DAB1: variants seen among roughly 807,000 people sequenced by gnomAD.
The protein encoded by DAB1 is disabled homolog 1.
Under a neutral mutation model 64.6 loss-of-function variants are expected in DAB1, and 15 were observed. That is an observed-to-expected ratio of 0.23 (90% CI 0.16 to 0.36). The LOEUF is 0.36. Among genes scored for constraint, DAB1 ranks in the 10% least tolerant of loss-of-function variants. The pLI, the probability that DAB1 is intolerant of heterozygous loss-of-function variation, is 1.00. For missense variants in DAB1, 596 were observed against 706.7 expected (o/e 0.84, Z 1.78); for synonymous variants, 235 against 251.9 (o/e 0.93, Z 0.64).
chr1:58,046,938 C>T (rs1647281542), intron 5 of DAB1, among the ~76,000 whole-genome samples: 1 of 152,174 alleles, frequency 6.6e-6, no homozygotes, highest in Admixed American at 6.5e-5. Context: ...AAAGCCCAGC[C>T]GTGCCACTTA....
intron 7 of DAB1, among the ~76,000 whole-genome samples, chr1:57,644,879 G>C (rs74077743): frequency 0.021 from 3,256 of 152,216 alleles, 118 homozygotes; most frequent in African/African-American, 0.075. Context: ...GGAAGCATGA[G>C]CTGAAATCCC....
chr1:58,339,138 G>A (rs1663192576), intron 4 of DAB1, among the ~76,000 whole-genome samples: 1 of 151,994 alleles, frequency 6.6e-6, no homozygotes, highest in Non-Finnish European at 1.5e-5. Flanking sequence ...CTTTTAAATG[G>A]TGAATTTTAT....
chr1:58,238,879 G>T (rs1660165923), intron 4 of DAB1, among the ~76,000 whole-genome samples: 1 of 152,130 alleles, frequency 6.6e-6, no homozygotes, highest in South Asian at 2.1e-4. Context: ...AAACTCTGGG[G>T]ACACTAAACA....
chr1:57,897,427 A>G (rs1644407541), intron 5 of DAB1, among the ~76,000 whole-genome samples: 1 of 152,132 alleles, frequency 6.6e-6, no homozygotes, highest in Non-Finnish European at 1.5e-5. Context: ...AAAATCCCAT[A>G]TTGATTTTTC....
At chr1:57,262,379 A>G (rs1248437378) in intron 2 of DAB1, among the ~76,000 whole-genome samples, 2 of 152,230 alleles carry the variant, frequency 1.3e-5, no homozygotes, top group East Asian at 3.9e-4. Flanking sequence ...GCTCTTAGCC[A>G]CATTGGGTGC....
intron 9 of DAB1, among the ~76,000 whole-genome samples, chr1:57,053,095 A>C (rs542688452): frequency 1.3e-5 from 2 of 152,350 alleles, no homozygotes; most frequent in African/African-American, 4.8e-5. Flanking sequence ...AGATGTCAGT[A>C]GCGGATGGCC....
chr1:57,519,090 C>G (rs1302897276), intron 7 of DAB1, among the ~76,000 whole-genome samples: 1 of 152,126 alleles, frequency 6.6e-6, no homozygotes, highest in Non-Finnish European at 1.5e-5. Context: ...GAAGTTCTTA[C>G]AATAGTCCCT....
intron 1 of DAB1, among the ~76,000 whole-genome samples, chr1:57,877,716 G>A (rs1423483316): frequency 2.4e-5 from 2 of 82,040 alleles, no homozygotes; most frequent in African/African-American, 5.3e-5. Flanking sequence ...GCCCACCACC[G>A]CGCCCGGCTA....
At chr1:57,299,543 T>C (rs1570207881) in intron 1 of DAB1, among the ~76,000 whole-genome samples, 1 of 151,112 alleles carries the variant, frequency 6.6e-6, no homozygotes, top group African/African-American at 2.5e-5. Context: ...AACTAATGGA[T>C]CACATAGTTT....
intron 7 of DAB1, among the ~76,000 whole-genome samples, chr1:57,544,480 C>T (rs969013943): frequency 6.6e-5 from 10 of 152,204 alleles, no homozygotes; most frequent in Non-Finnish European, 1.5e-4. Flanking sequence ...CTGATACATA[C>T]TTTGTCCTTC....
intron 2 of DAB1, among the ~76,000 whole-genome samples, chr1:57,272,806 T>A (rs1376555985): frequency 1.3e-5 from 2 of 152,118 alleles, no homozygotes; most frequent in African/African-American, 4.8e-5. Flanking sequence ...AATACAACTT[T>A]CAGCCTTCCT....
At chr1:58,285,522 C>T (rs983723496) in intron 4 of DAB1, among the ~76,000 whole-genome samples, 7 of 152,184 alleles carry the variant, frequency 4.6e-5, no homozygotes, top group Middle Eastern at 3.4e-3. Context: ...TGTATATCAA[C>T]AACAGGCAAG....
intron 4 of DAB1, among the ~76,000 whole-genome samples, chr1:58,250,335 G>A (rs1388838520): frequency 6.6e-6 from 1 of 152,234 alleles, no homozygotes; most frequent in Admixed American, 6.5e-5. Context: ...GTTCCCTGGG[G>A]CTGGCAGGTC....
chr1:57,312,154 G>A (rs1442793831), intron 1 of DAB1, among the ~76,000 whole-genome samples: 1 of 152,118 alleles, frequency 6.6e-6, no homozygotes, highest in Non-Finnish European at 1.5e-5. Flanking sequence ...CCCACAACAC[G>A]ACCCCAGCCC....
At chr1:58,337,659 G>GTAGTAC (rs1663151609) in intron 4 of DAB1, among the ~76,000 whole-genome samples, 1 of 152,104 alleles carries the variant, frequency 6.6e-6, no homozygotes, top group Non-Finnish European at 1.5e-5. Context: ...GAATAAACAG[G>GTAGTAC]TAGTACCTTA....
intron 5 of DAB1, among the ~76,000 whole-genome samples, chr1:58,112,709 C>T (rs539408791): frequency 6.6e-6 from 1 of 152,144 alleles, no homozygotes; most frequent in Admixed American, 6.6e-5. Context: ...ATACATGTTT[C>T]CTAAATGAAT....
In DAB1 at chr1:57,100,206, T is replaced by C. The variant is rs144172616; in HGVS notation, c.307-27792A>G. ...AAGATAAAAATAGAATCTACTTCAT[T>C]AGGTTATTATGAAGATGAAGTGAGC... On this transcript the variant is annotated intron_variant, in intron 4 of 14. Coordinates refer to ENST00000371236, the MANE Select transcript of DAB1 (RefSeq NM_001365792.1). Among the ~76,000 whole-genome samples, 296 of 152,292 alleles carry C rather than the reference T, an allele frequency of 1.9e-3. 2 individuals are homozygous for C. The highest frequency in any genetic ancestry group is 6.6e-3 in the African/African-American group (275 of 41,572).
At chr1:58,284,712 T>C (rs1429989220) in intron 4 of DAB1, among the ~76,000 whole-genome samples, 3 of 152,214 alleles carry the variant, frequency 2.0e-5, no homozygotes, top group Non-Finnish European at 4.4e-5. Context: ...CTCTTTATTA[T>C]CTCTAATTTT....
chr1:57,173,442 T>C (rs565274809), intron 2 of DAB1, among the ~76,000 whole-genome samples: 1 of 152,324 alleles, frequency 6.6e-6, no homozygotes, highest in East Asian at 1.9e-4. Context: ...TCAGGCTATG[T>C]GTGTAAGTTA....
Sources: gnomAD v4.1 joint callset for allele counts (sites outside exome capture counted in the v4.1 genomes callset) on GRCh38, gnomAD v4.1.1 for gene constraint, MANE v1.5 for transcripts, NCBI Gene and HGNC (gene_info 2026-07-23, HGNC 2026-07-21) for gene names.